Variants in CPXM2 observed in about 807,000 individuals in gnomAD.
CPXM2 encodes inactive carboxypeptidase-like protein X2.
In CPXM2, 66 loss-of-function variants were observed where a neutral mutation model predicts 86.1. That is an observed-to-expected ratio of 0.77 (90% CI 0.63 to 0.94). CPXM2 has a LOEUF of 0.94. Among genes scored for constraint, CPXM2 ranks in the 40% least tolerant of loss-of-function variants. The pLI is 0.00. For synonymous variants in CPXM2, 388 were observed against 400.2 expected (o/e 0.97, Z 0.36); for missense variants, 948 against 1,026.3 (o/e 0.92, Z 1.04).
intron 6 of CPXM2, among the ~76,000 whole-genome samples, chr10:123,792,263 A>G (rs1436168626): frequency 1.3e-5 from 2 of 152,150 alleles, no homozygotes; most frequent in African/African-American, 2.4e-5. Flanking sequence ...GGAAATTGGG[A>G]AAAATCAAGT....
intron 3 of CPXM2, among the ~76,000 whole-genome samples, chr10:123,860,954 C>CGGAG (rs1848837423): frequency 6.6e-6 from 1 of 152,036 alleles, no homozygotes; most frequent in African/African-American, 2.4e-5. Context: ...TGAAAAGTGG[C>CGGAG]GGAGGTTAAG....
At chr10:123,760,505 CTTTG>C (rs933610671) in intron 11 of CPXM2, among the ~76,000 whole-genome samples, 11 of 152,246 alleles carry the variant, frequency 7.2e-5, no homozygotes, top group African/African-American at 2.6e-4. Context: ...AGTATTTCTA[CTTTG>C]TTTTTCTTTT....
chr10:123,755,949 C>T (rs1050942972), intron 12 of CPXM2, among the ~76,000 whole-genome samples: 13 of 152,162 alleles, frequency 8.5e-5, no homozygotes, highest in Non-Finnish European at 1.8e-4. Flanking sequence ...AACAGGAATT[C>T]CTTGAGTGAG....
chr10:123,895,430 G>T (rs1053925628), upstream of CPXM2, among the ~76,000 whole-genome samples: 10 of 152,150 alleles, frequency 6.6e-5, no homozygotes, highest in African/African-American at 2.4e-4. Flanking sequence ...GGCCAAGACA[G>T]ACTCTTAATG....
Position 123,747,317 on chromosome 10 carries a change from G to A in CPXM2, c.2018-300C>T, listed in dbSNP as rs144820592. Among the ~76,000 whole-genome samples the A allele has an allele frequency of 1.2e-3, 188 of 152,330 alleles. 2 individuals carry two copies. Among genetic ancestry groups the A allele is most frequent in the African/African-American group, 4.3e-3 (180 of 41,580 alleles). ...CTCTGTGACAATATGAGCCATTCAT[G>A]ATGAACTTGAACTTCCAAACAGTAT... On this transcript the variant is annotated intron_variant, in intron 13 of 13. Transcript: ENST00000241305.
At chr10:123,798,208 C>T in intron 5 of CPXM2, 82 bp from the exon 6 acceptor site, 2 of 1,023,540 alleles carry the variant, frequency 2.0e-6, no homozygotes, top group Non-Finnish European at 2.6e-6. Flanking sequence ...ACTCATTCAA[C>T]AAGACTTTAT....
chr10:123,759,884 C>T (rs1846294526), intron 11 of CPXM2, among the ~76,000 whole-genome samples: 1 of 152,186 alleles, frequency 6.6e-6, no homozygotes, highest in Non-Finnish European at 1.5e-5. Context: ...TTGACCCTTG[C>T]TCTCAACTGG....
upstream of CPXM2, among the ~76,000 whole-genome samples, chr10:123,895,121 CTTTTT>C (rs869104432): frequency 1.0e-4 from 9 of 85,890 alleles, no homozygotes; most frequent in Admixed American, 3.6e-4. Context: ...TCTTTTTTTT[CTTTTT>C]TTTTTTTTTT....
intron 3 of CPXM2, among the ~76,000 whole-genome samples, chr10:123,848,710 A>C (rs1371181490): frequency 6.6e-6 from 1 of 152,246 alleles, no homozygotes; most frequent in African/African-American, 2.4e-5. Context: ...TTTATGAGTG[A>C]CCCAATAAAG....
At chr10:123,799,993 A>G (rs1461209356) in intron 4 of CPXM2, among the ~76,000 whole-genome samples, 1 of 149,694 alleles carries the variant, frequency 6.7e-6, no homozygotes. Flanking sequence ...AATTTTTTAA[A>G]TATTGGAACT....
At chr10:123,752,593 G>A (rs1846104030) in intron 13 of CPXM2, 1 of 985,344 alleles carries the variant, frequency 1.0e-6, no homozygotes, top group Non-Finnish European at 1.2e-6. Context: ...TCTGCTTCCT[G>A]GCAGGTGGAA....
intron 6 of CPXM2, among the ~76,000 whole-genome samples, chr10:123,789,252 G>C (rs963186164): frequency 1.4e-4 from 22 of 152,208 alleles, no homozygotes; most frequent in African/African-American, 5.3e-4. Context: ...ATCACTGTCA[G>C]CAAGAACATC....
chr10:123,808,784 C>T (rs1377268542), intron 4 of CPXM2, among the ~76,000 whole-genome samples: 1 of 152,074 alleles, frequency 6.6e-6, no homozygotes, highest in Admixed American at 6.6e-5. Flanking sequence ...AGCAACAAAC[C>T]TAGGTCCCAA....
At chr10:123,917,511 T>G (rs571801893) in intron 2 of CPXM2, among the ~76,000 whole-genome samples, 2 of 152,374 alleles carry the variant, frequency 1.3e-5, no homozygotes, top group South Asian at 4.1e-4. Flanking sequence ...GACGTTTTTC[T>G]TGCTATTTTG....
intron 2 of CPXM2, among the ~76,000 whole-genome samples, chr10:123,918,736 C>T (rs2134276791): frequency 6.6e-6 from 1 of 152,294 alleles, no homozygotes; most frequent in East Asian, 1.9e-4. Flanking sequence ...TGATCCCCTT[C>T]AGCAGCAGTG....
chr10:123,749,845 G>A (rs562315873), intron 13 of CPXM2, among the ~76,000 whole-genome samples: 5 of 152,200 alleles, frequency 3.3e-5, no homozygotes, highest in South Asian at 2.1e-4. Flanking sequence ...TCACTCTATC[G>A]CCCAGGCTGG....
At chr10:123,757,411 T>A (rs1012319475) in intron 11 of CPXM2, 59 bp from the exon 12 acceptor site, 74 of 1,447,976 alleles carry the variant, frequency 5.1e-5, no homozygotes, top group Admixed American at 1.5e-4. Flanking sequence ...CACTGGGGAA[T>A]GCGGCACAGC....
intron 6 of CPXM2, among the ~76,000 whole-genome samples, chr10:123,783,315 G>A (rs1846976656): frequency 6.6e-6 from 1 of 152,206 alleles, no homozygotes; most frequent in African/African-American, 2.4e-5. Flanking sequence ...TCTTGCACGA[G>A]GTCCAGGAAC....
intron 1 of CPXM2, among the ~76,000 whole-genome samples, chr10:123,888,327 T>C (rs1945212672): frequency 6.6e-6 from 1 of 152,214 alleles, no homozygotes; most frequent in Non-Finnish European, 1.5e-5. Flanking sequence ...TTTAATTAGT[T>C]ATATATGCTT....
Sources: allele counts gnomAD v4.1 joint callset (sites outside exome capture counted in the v4.1 genomes callset), GRCh38; gene constraint gnomAD v4.1.1; transcripts MANE v1.5; gene names NCBI Gene and HGNC (gene_info 2026-07-23, HGNC 2026-07-21).